VPS41: variants seen among roughly 807,000 people sequenced by gnomAD.
The protein encoded by VPS41 is vacuolar protein sorting-associated protein 41 homolog.
VPS41 carries 85 observed loss-of-function variants against 130.9 expected under a neutral mutation model. That is an observed-to-expected ratio of 0.65 (90% confidence interval 0.55 to 0.78). The LOEUF (loss-of-function observed/expected upper bound fraction) is 0.78, where lower values mean the gene tolerates loss of function less well. Among genes scored for constraint, VPS41 ranks in the 30% least tolerant of loss-of-function variants. The probability of loss-of-function intolerance (pLI) is 0.00; values close to 1 mark genes in which losing one functional copy is unlikely to be tolerated. For synonymous variants in VPS41, 335 were observed against 332.9 expected (o/e 1.01, Z -0.07); for missense variants, 874 against 1,018.7 (o/e 0.86, Z 1.93).
rs1462432457 is a variant in VPS41 at position 38,772,632 on chromosome 7, A to T, written c.1018T>A (p.Ser340Thr). Residue 340 changes from serine (S) to threonine (T), a missense_variant, in exon 13 of 29, where the codon TCT (serine) becomes ACT (threonine). Transcript: ENST00000310301. The stretch of plus-strand genomic sequence containing the variant: ...ATGTAAAAAAGTGATTCCCCTTCAG[A>T]GTATTCTGTAGGTGAGAAAAGAGAG... ...NECRDYHLEY[S>T]EGESLFYIVS... is the part of the protein sequence containing the mutation. The T allele has an allele frequency of 6.2e-7, 1 of 1,608,074 alleles. No individual in the cohort carries two copies. The highest frequency in any genetic ancestry group is 8.5e-7 in the Non-Finnish European group (1 of 1,175,310).
At chr7:38,796,948 C>T (rs1472766258) in intron 7 of VPS41, 84 bp from the exon 8 acceptor site, 12 of 1,517,642 alleles carry the variant, frequency 7.9e-6, no homozygotes, top group South Asian at 3.5e-5. Flanking sequence ...TACCTATCCT[C>T]GTGACCAAAT....
At position 38,772,592 on chromosome 7, in the gene VPS41, T is replaced by A; in HGVS notation, c.1058A>T (p.Asp353Val). Residue 353 changes from aspartate to valine, a missense_variant, in exon 13 of 29, where the codon GAT (aspartate) becomes GTT (valine). Asp to Val is a radical substitution (Grantham distance 152, BLOSUM62 -3). Coordinates refer to ENST00000310301, the MANE Select transcript of VPS41 (RefSeq NM_014396.4). The part of the protein sequence containing the change: ...ESLFYIVSPR[D>V]VVVAKERDQD... ...GTCTCGTTCCTTGGCCACTACAACA[T>A]CTCTCGGACTCACGATGTAAAAAAG... The A allele has an allele frequency of 6.2e-7, 1 of 1,613,604 alleles. No individual in the cohort carries two copies. Among genetic ancestry groups the A allele is most frequent in the East Asian group, 2.2e-5 (1 of 44,800 alleles).
chr7:38,784,328 A>G (rs1399843502), intron 10 of VPS41, among the ~76,000 whole-genome samples: 1 of 152,184 alleles, frequency 6.6e-6, no homozygotes, highest in African/African-American at 2.4e-5. Context: ...TTTCCCAACC[A>G]TAAGTCACTC....
At chr7:38,758,263 A>T in intron 18 of VPS41, 91 bp downstream of exon 18, 1 of 1,216,316 alleles carries the variant, frequency 8.2e-7, no homozygotes, top group Non-Finnish European at 1.1e-6. Flanking sequence ...TATAAAATAC[A>T]TCTTCTCCAC....
At chr7:38,892,886 C>A (rs891239428) in intron 2 of VPS41, among the ~76,000 whole-genome samples, 2 of 152,172 alleles carry the variant, frequency 1.3e-5, no homozygotes, top group Admixed American at 1.3e-4. Context: ...CCACACTATC[C>A]TATATTTCCT....
chr7:38,755,357 G>A (rs1783770262), intron 19 of VPS41, among the ~76,000 whole-genome samples: 2 of 152,164 alleles, frequency 1.3e-5, no homozygotes. Flanking sequence ...GTCTCCCTAT[G>A]AGACTCCACA....
At chr7:38,785,836 T>TA (rs151214601) in intron 10 of VPS41, among the ~76,000 whole-genome samples, 2,626 of 152,276 alleles carry the variant, frequency 0.017, 34 homozygotes, top group Non-Finnish European at 0.024. Context: ...CCCAAGGCAA[T>TA]CAGGTTCTAT....
At chr7:38,814,371 G>C (rs1784997964) in intron 7 of VPS41, among the ~76,000 whole-genome samples, 1 of 152,156 alleles carries the variant, frequency 6.6e-6, no homozygotes, top group Admixed American at 6.5e-5. Context: ...AAGAACACAG[G>C]CCGGGCGTGG....
intron 7 of VPS41, among the ~76,000 whole-genome samples, chr7:38,812,166 G>A (rs1784957495): frequency 6.6e-6 from 1 of 152,104 alleles, no homozygotes; most frequent in African/African-American, 2.4e-5. Flanking sequence ...AGAAAAATTA[G>A]TGGCTTTGAA....
intron 4 of VPS41, among the ~76,000 whole-genome samples, chr7:38,848,964 G>T (rs564545955): frequency 6.6e-6 from 1 of 152,044 alleles, no homozygotes; most frequent in African/African-American, 2.4e-5. Flanking sequence ...ACTCATTTTC[G>T]TGTAATTTTT....
At chr7:38,851,752 C>T (rs1421027555) in intron 4 of VPS41, among the ~76,000 whole-genome samples, 4 of 152,152 alleles carry the variant, frequency 2.6e-5, no homozygotes, top group Non-Finnish European at 4.4e-5. Context: ...AAAGTTGTTA[C>T]ACTATCGTAC....
chr7:38,750,553 T>C (rs934551051), intron 22 of VPS41, among the ~76,000 whole-genome samples: 4 of 152,220 alleles, frequency 2.6e-5, no homozygotes, highest in Non-Finnish European at 4.4e-5. Context: ...ATTCAATATG[T>C]TGTTTCCAGT....
intron 4 of VPS41, among the ~76,000 whole-genome samples, chr7:38,838,176 C>T (rs1434408556): frequency 6.6e-6 from 1 of 151,810 alleles, no homozygotes; most frequent in Non-Finnish European, 1.5e-5. Flanking sequence ...GCCTTACGTA[C>T]ATCTACCATT....
intron 9 of VPS41, among the ~76,000 whole-genome samples, chr7:38,794,936 C>T (rs759075695): frequency 2.0e-5 from 3 of 152,022 alleles, no homozygotes; most frequent in Non-Finnish European, 1.5e-5. Flanking sequence ...TTTACCCAGG[C>T]GCATAAGGGT....
At chr7:38,790,827 G>A (rs1428785751) in intron 9 of VPS41, among the ~76,000 whole-genome samples, 2 of 152,098 alleles carry the variant, frequency 1.3e-5, no homozygotes, top group Non-Finnish European at 2.9e-5. Flanking sequence ...CCCCCTTTGG[G>A]GGCATATTTT....
rs1787075676 is a variant in VPS41 at position 38,898,847 on chromosome 7, A to G, written c.22-718T>C. Among the ~76,000 whole-genome samples, 3 of 152,344 alleles carry G rather than the reference A, an allele frequency of 2.0e-5. 1 individual carries two copies. Among genetic ancestry groups the G allele is most frequent in the South Asian group, 4.1e-4 (2 of 4,830 alleles). On this transcript the variant is annotated intron_variant, in intron 1 of 28. Coordinates refer to ENST00000310301, the MANE Select transcript of VPS41 (RefSeq NM_014396.4). ...CCTCAAAGAGGTCAGCAAAATGAAG[A>G]TTTACTTAACGTACTTATAGATATC...
At chr7:38,875,963 T>C (rs1245254999) in intron 2 of VPS41, among the ~76,000 whole-genome samples, 2 of 152,366 alleles carry the variant, frequency 1.3e-5, no homozygotes, top group Non-Finnish European at 1.5e-5. Flanking sequence ...ATGAGTTTAC[T>C]ATACCCACAT....
chr7:38,770,769 T>C (rs964781972), intron 14 of VPS41, among the ~76,000 whole-genome samples: 2 of 152,194 alleles, frequency 1.3e-5, no homozygotes, highest in Admixed American at 1.3e-4. Flanking sequence ...GTCCAAAATG[T>C]AATAAAAATG....
intron 7 of VPS41, among the ~76,000 whole-genome samples, chr7:38,800,705 C>T (rs1452915918): frequency 1.3e-5 from 2 of 151,946 alleles, no homozygotes; most frequent in East Asian, 1.9e-4. Context: ...GCATGGTGGC[C>T]GGCACCTGTA....
Sources: allele counts gnomAD v4.1 joint callset (sites outside exome capture counted in the v4.1 genomes callset), GRCh38; gene constraint gnomAD v4.1.1; transcripts MANE v1.5; gene names NCBI Gene and HGNC (gene_info 2026-07-23, HGNC 2026-07-21).